The following CORO7 variants were observed in gnomAD, a reference collection of about 807,000 sequenced individuals.
The protein encoded by CORO7 is coronin-7.
Under a neutral mutation model 126.6 loss-of-function variants are expected in CORO7, and 107 were observed. That is an observed-to-expected ratio of 0.85 (90% CI 0.72 to 0.99). The LOEUF is 0.99. Ranked by LOEUF, CORO7 falls within the 50% of genes least tolerant of loss-of-function variation. The pLI, the probability that CORO7 is intolerant of heterozygous loss-of-function variation, is 0.00. For synonymous variants in CORO7, 603 were observed against 536.8 expected (o/e 1.12, Z -1.70); for missense variants, 1,314 against 1,255.8 (o/e 1.05, Z -0.70).
At chr16:4,387,738 C>A (rs548014959) in intron 9 of CORO7, 7 of 574,278 alleles carry the variant, frequency 1.2e-5, no homozygotes, top group Admixed American at 6.0e-5. Context: ...GCCATGAAAC[C>A]TCTGGTGACC....
intron 5 of CORO7, among the ~76,000 whole-genome samples, chr16:4,406,606 GT>G (rs1001970450): frequency 4.7e-5 from 7 of 149,320 alleles, no homozygotes; most frequent in East Asian, 4.0e-4. Flanking sequence ...ATCCAAGAAG[GT>G]TTTTTTTTGG....
At chr16:4,372,520 C>T (rs929301030) in intron 9 of CORO7, among the ~76,000 whole-genome samples, 5 of 152,178 alleles carry the variant, frequency 3.3e-5, no homozygotes, top group Non-Finnish European at 7.4e-5. Context: ...GATGCCCATC[C>T]CTCCAGGTGG....
At chr16:4,356,006 T>G (rs2141168861) in intron 26 of CORO7, among the ~76,000 whole-genome samples, 1 of 152,198 alleles carries the variant, frequency 6.6e-6, no homozygotes, top group African/African-American at 2.4e-5. Flanking sequence ...TAGGCTGGAG[T>G]GCAATGGCAC....
At chr16:4,387,255 G>A (rs1409137653) in intron 9 of CORO7, among the ~76,000 whole-genome samples, 1 of 152,116 alleles carries the variant, frequency 6.6e-6, no homozygotes, top group East Asian at 1.9e-4. Context: ...CTTGCCCTGG[G>A]CCTCCTGGTG....
intron 3 of CORO7, among the ~76,000 whole-genome samples, chr16:4,412,067 G>A (rs1567306856): frequency 6.6e-6 from 1 of 151,986 alleles, no homozygotes; most frequent in East Asian, 1.9e-4. Context: ...GGAGTCCTCG[G>A]CAGGGACAGG....
chr16:4,360,659 C>A, intron 19 of CORO7, 111 bp from the exon 20 acceptor site: 1 of 1,406,838 alleles, frequency 7.1e-7, no homozygotes, highest in Admixed American at 2.0e-5. Flanking sequence ...CACTGCTGTT[C>A]CCGCCTCTCC....
intron 9 of CORO7, among the ~76,000 whole-genome samples, chr16:4,374,312 C>CCTCCCCCG (rs1312209696): frequency 2.0e-5 from 3 of 152,140 alleles, no homozygotes; most frequent in African/African-American, 7.2e-5. Context: ...CGCTGGGCCG[C>CCTCCCCCG]CGGCCTCCCC....
chr16:4,362,587 T>A lies in CORO7; in HGVS notation c.1402+25A>T. The A allele has an allele frequency of 6.5e-7, 1 of 1,531,028 alleles. No individual in the cohort carries two copies. The highest frequency in any genetic ancestry group is 8.8e-7 in the Non-Finnish European group (1 of 1,142,428). 94.8% of individuals were successfully genotyped at this position (1,531,028 alleles called of 1,614,324 possible). On this transcript the variant is annotated intron_variant, in intron 15 of 27. Transcript: ENST00000251166. This position sits in a 1 kb window ranked among gnomAD's most constrained non-coding sequence, Gnocchi z 5.3. ...GCAGACAGGGCTCCTGCGGTAGGGG[T>A]GAGCTCCCCGTCCTGCCTCCTTACC...
intron 9 of CORO7, among the ~76,000 whole-genome samples, chr16:4,376,705 G>A (rs1187011044): frequency 1.3e-5 from 2 of 152,160 alleles, no homozygotes; most frequent in Non-Finnish European, 2.9e-5. Flanking sequence ...GAGATGACGA[G>A]TGCCTTGTCC....
chr16:4,358,266 A>G (rs12448148), intron 24 of CORO7, 101 bp downstream of exon 24: 63,803 of 1,530,448 alleles, frequency 0.042, 2,622 homozygotes, highest in African/African-American at 0.2. Context: ...CCCCATGAAC[A>G]ATGGGTAGGG....
intron 6 of CORO7, 133 bp downstream of exon 6, chr16:4,405,358 G>T: frequency 1.0e-6 from 1 of 958,524 alleles, no homozygotes; most frequent in South Asian, 2.1e-5. Flanking sequence ...AGGGGGCAGG[G>T]CACACAGATG....
intron 9 of CORO7, among the ~76,000 whole-genome samples, chr16:4,371,654 G>C (rs2054526414): frequency 6.6e-6 from 1 of 152,332 alleles, no homozygotes; most frequent in African/African-American, 2.4e-5. Context: ...GCAAACCCAC[G>C]ACGGGCAAGG....
chr16:4,369,793 A>G (rs2054463186), intron 9 of CORO7, among the ~76,000 whole-genome samples: 1 of 152,092 alleles, frequency 6.6e-6, no homozygotes, highest in Non-Finnish European at 1.5e-5. Context: ...GGTCCCTTGG[A>G]TCTGTCCCTA....
rs1239119548 is a variant in CORO7, at chr16:4,354,820, C to G, written c.*338G>C. 2.8e-6 allele frequency: 1 copy of G among 358,490 alleles called. No individual in the cohort carries two copies. Among genetic ancestry groups the G allele is most frequent in the African/African-American group, 2.1e-5 (1 of 47,934 alleles). The allele number at this position is 358,490 out of a possible 1,614,324, so 22.2% of individuals were successfully genotyped here. The stretch of plus-strand genomic sequence containing the variant: ...ACCAAAGATCCTGGATGAGGCCAAT[C>G]CAGGCTGGGACCAGCCCAGGTCAGC... On this transcript the variant is annotated 3_prime_UTR_variant, in exon 28 of 28. Coordinates refer to ENST00000251166, the MANE Select transcript of CORO7 (RefSeq NM_024535.5).
chr16:4,361,217 C>T lies in CORO7; in HGVS notation c.1719G>A (p.Arg573=), dbSNP rs1340885300. ...AGEDARIRLW[R]VPAEGLEEVL... is the part of the protein sequence containing the mutation. Reference sequence around the variant, plus strand: ...CCTCTTCCAGGCCCTCTGCGGGTACCCGCCACAGTCGGATCCTGGCGTCCT... The same window carrying T: ...CCTCTTCCAGGCCCTCTGCGGGTACTCGCCACAGTCGGATCCTGGCGTCCT... Residue 573 remains arginine (R), a synonymous_variant, in exon 18 of 28, where the codon CGG becomes CGA. Transcript: ENST00000251166. The T allele has an allele frequency of 6.2e-7, 1 of 1,612,586 alleles. No homozygotes were observed. The highest frequency in any genetic ancestry group is 1.3e-5 in the African/African-American group (1 of 74,940).
chr16:4,400,898 C>T (rs1467575552), intron 6 of CORO7, among the ~76,000 whole-genome samples: 3 of 151,974 alleles, frequency 2.0e-5, no homozygotes, highest in African/African-American at 7.2e-5. Context: ...ATCACAGACA[C>T]TGGGGGAGGA....
intron 9 of CORO7, chr16:4,383,379 T>C (rs542496359): frequency 1.0e-3 from 176 of 169,546 alleles, no homozygotes; most frequent in African/African-American, 4.1e-3. Flanking sequence ...TGTTTTGCTT[T>C]TTTAAAATAT....
At chr16:4,406,661 T>C (rs940389735) in intron 5 of CORO7, among the ~76,000 whole-genome samples, 2 of 151,922 alleles carry the variant, frequency 1.3e-5, no homozygotes, top group African/African-American at 2.4e-5. Flanking sequence ...AGTCTTGCTC[T>C]TGTCCCCCAG....
Position 4,388,037 on chromosome 16 carries a change from G to C in CORO7, c.734C>G (p.Thr245Arg). The stretch of plus-strand genomic sequence containing the variant: ...GGCCAGGGCGCTGGAGAAGAACCGC[G>C]TGTCCCACAGCTTCACTTCGCGCTC... The part of the protein sequence containing the change: ...MREREVKLWD[T>R]RFFSSALASL... The change falls in exon 9 of 28, where the codon ACG becomes AGG. Residue 245 changes from threonine to arginine, a missense_variant. Transcript: ENST00000251166. The C allele has an allele frequency of 6.2e-7, 1 of 1,613,120 alleles. No homozygotes were observed. Among genetic ancestry groups the C allele is most frequent in the Non-Finnish European group, 8.5e-7 (1 of 1,179,900 alleles).
Sources: gnomAD v4.1 joint callset for allele counts (sites outside exome capture counted in the v4.1 genomes callset) on GRCh38, gnomAD v4.1.1 for gene constraint, Gnocchi (gnomAD v3.1) non-coding constraint, MANE v1.5 for transcripts, NCBI Gene and HGNC (gene_info 2026-07-23, HGNC 2026-07-21) for gene names.